Variants in PRKCE observed in about 807,000 individuals in gnomAD.
PRKCE encodes the protein protein kinase C epsilon type.
In PRKCE, 16 loss-of-function variants were observed where a neutral mutation model predicts 85.4. The ratio of observed to expected loss-of-function variants is 0.19; its 90% CI spans 0.13 to 0.28. The LOEUF is 0.28. Among genes scored for constraint, PRKCE ranks in the 10% least tolerant of loss-of-function variants. The pLI, the probability that PRKCE is intolerant of heterozygous loss-of-function variation, is 1.00. For synonymous variants in PRKCE, 388 were observed against 371.5 expected, an observed-to-expected ratio of 1.04 and a Z score of -0.51; for missense variants, 573 against 975.2, an observed-to-expected ratio of 0.59 and a Z score of 5.49.
chr2:46,078,552 A>T (rs74262742), intron 10 of PRKCE, among the ~76,000 whole-genome samples: 6 of 151,094 alleles, frequency 4.0e-5, no homozygotes, highest in East Asian at 2.0e-4. Flanking sequence ...AAAAAAAAAA[A>T]AATAAGATTT....
intron 2 of PRKCE, among the ~76,000 whole-genome samples, chr2:45,911,506 C>T (rs1009072420): frequency 1.3e-5 from 2 of 152,218 alleles, no homozygotes; most frequent in Non-Finnish European, 2.9e-5. Flanking sequence ...AACATGGTCC[C>T]TTTCCCCTGA....
At chr2:45,653,884 C>T (rs1466050973) in intron 1 of PRKCE, among the ~76,000 whole-genome samples, 1 of 152,214 alleles carries the variant, frequency 6.6e-6, no homozygotes, top group Non-Finnish European at 1.5e-5. Context: ...CACAGATGTC[C>T]CTCATCTCTG....
intron 2 of PRKCE, among the ~76,000 whole-genome samples, chr2:45,868,319 C>CAA (rs371501864): frequency 0.093 from 3,304 of 35,498 alleles, 198 homozygotes; most frequent in South Asian, 0.2. Flanking sequence ...CTTTCCTGTC[C>CAA]AAAAAAAAAA....
chr2:46,160,850 G>A (rs185876231), intron 14 of PRKCE, among the ~76,000 whole-genome samples: 10 of 152,312 alleles, frequency 6.6e-5, no homozygotes, highest in Non-Finnish European at 8.8e-5. Flanking sequence ...AATCTTCCAC[G>A]GTGGGAGTGG....
At chr2:46,023,887 G>T (rs552992081) in intron 10 of PRKCE, among the ~76,000 whole-genome samples, 95 of 79,482 alleles carry the variant, frequency 1.2e-3, no homozygotes, top group Non-Finnish European at 1.9e-3. Flanking sequence ...AAAATGGCAG[G>T]AATTTCTATA....
intron 11 of PRKCE, among the ~76,000 whole-genome samples, chr2:46,123,038 A>T (rs1321718790): frequency 6.6e-6 from 1 of 150,694 alleles, no homozygotes; most frequent in East Asian, 1.9e-4. Flanking sequence ...GCTTTACCAG[A>T]TCACCTTGGT....
rs940971079 is a variant in PRKCE, at chr2:45,671,955, T to C, written c.348+19507T>C. On this transcript the variant is annotated intron_variant, in intron 1 of 14. Transcript: ENST00000306156. ...GCATGCACCTGTGGCCCCGGCTACT[T>C]GGGAGGCTGAGGCAGGAGGATCACT... Among the ~76,000 whole-genome samples the C allele has an allele frequency of 2.0e-5, 3 of 150,932 alleles. No individual in the cohort carries two copies. In the East Asian group the frequency reaches 5.9e-4, roughly 29 times the overall value.
At chr2:45,744,745 A>C (rs758738595) in intron 1 of PRKCE, among the ~76,000 whole-genome samples, 11 of 151,608 alleles carry the variant, frequency 7.3e-5, no homozygotes, top group Non-Finnish European at 1.6e-4. Context: ...GATAGCTGGG[A>C]CCACAGGTGT....
intron 1 of PRKCE, among the ~76,000 whole-genome samples, chr2:45,793,585 C>A (rs1466309495): frequency 6.6e-6 from 1 of 152,190 alleles, no homozygotes; most frequent in Non-Finnish European, 1.5e-5. Context: ...CCTCAGCTTA[C>A]TGATTTTCTC....
intron 2 of PRKCE, among the ~76,000 whole-genome samples, chr2:45,850,559 C>G (rs1312105312): frequency 6.6e-6 from 1 of 152,210 alleles, no homozygotes; most frequent in Non-Finnish European, 1.5e-5. Context: ...TTAGAGTTGT[C>G]TGTCTTTCAG....
At chr2:45,724,854 C>G (rs7568111) in intron 1 of PRKCE, among the ~76,000 whole-genome samples, 1 of 152,056 alleles carries the variant, frequency 6.6e-6, no homozygotes, top group African/African-American at 2.4e-5. Flanking sequence ...TAGTTTATGA[C>G]GTTTAAGGAA....
intron 10 of PRKCE, among the ~76,000 whole-genome samples, chr2:46,085,744 T>TTTTG (rs1669560099): frequency 1.2e-4 from 3 of 25,248 alleles, no homozygotes; most frequent in African/African-American, 2.0e-4. Context: ...CCGTTTTTTT[T>TTTTG]TTTTGTTTTT....
At chr2:45,961,629 C>T (rs1300428566) in intron 2 of PRKCE, among the ~76,000 whole-genome samples, 1 of 152,030 alleles carries the variant, frequency 6.6e-6, no homozygotes, top group African/African-American at 2.4e-5. Flanking sequence ...AGGAGCCAGG[C>T]TTGTTAGCAT....
chr2:46,063,400 G>A (rs1258484195), intron 10 of PRKCE, among the ~76,000 whole-genome samples: 1 of 150,614 alleles, frequency 6.6e-6, no homozygotes, highest in Non-Finnish European at 1.5e-5. Context: ...AAAAATAGAC[G>A]CATGGAAGCA....
intron 1 of PRKCE, among the ~76,000 whole-genome samples, chr2:45,730,610 C>T (rs1490239395): frequency 1.3e-5 from 2 of 151,574 alleles, no homozygotes; most frequent in South Asian, 4.2e-4. Flanking sequence ...CAGGTGTGCA[C>T]CACCACACCT....
At position 45,786,559 on chromosome 2, in the gene PRKCE, C is replaced by T. The variant is rs1314108346; in HGVS notation, c.349-56441C>T. On this transcript the variant is annotated intron_variant, in intron 1 of 14. Transcript: ENST00000306156. This position sits in a 1 kb window ranked among gnomAD's most constrained non-coding sequence, Gnocchi z 5.3. ...ACCTGAAGCAGACAGGCCCCACTAA[C>T]AGGAACAGGACAGGCCTTAGGGGCC... 6.6e-6 allele frequency among the ~76,000 whole-genome samples: 1 copy of T among 152,214 alleles called. No homozygotes were observed. The highest frequency in any genetic ancestry group is 1.5e-5 in the Non-Finnish European group (1 of 68,040).
At chr2:45,790,910 A>G (rs115654908) in intron 1 of PRKCE, among the ~76,000 whole-genome samples, 5,126 of 152,282 alleles carry the variant, frequency 0.034, 111 homozygotes, top group Non-Finnish European at 0.05. Flanking sequence ...TGGCACAACT[A>G]TCAGACACCT....
intron 1 of PRKCE, among the ~76,000 whole-genome samples, chr2:45,729,314 G>T (rs767316885): frequency 5.3e-5 from 8 of 152,206 alleles, no homozygotes; most frequent in Admixed American, 2.0e-4. Context: ...GTAGATGAAA[G>T]GTGCCATGAA....
At chr2:45,782,759 A>T (rs1686291748) in intron 1 of PRKCE, among the ~76,000 whole-genome samples, 1 of 151,946 alleles carries the variant, frequency 6.6e-6, no homozygotes, top group Non-Finnish European at 1.5e-5. Flanking sequence ...CTATATATAT[A>T]TACACACACA....
Sources: gnomAD v4.1 joint callset for allele counts (sites outside exome capture counted in the v4.1 genomes callset) on GRCh38, gnomAD v4.1.1 for gene constraint, Gnocchi (gnomAD v3.1) non-coding constraint, MANE v1.5 for transcripts, NCBI Gene and HGNC (gene_info 2026-07-23, HGNC 2026-07-21) for gene names.